Variants in SLC22A23 observed in about 807,000 individuals in gnomAD.
SLC22A23 encodes solute carrier family 22 member 23.
A neutral mutation model predicts 61.0 loss-of-function variants in SLC22A23; 26 were observed. That is an observed-to-expected ratio of 0.43 (90% CI 0.31 to 0.59). SLC22A23 has a LOEUF of 0.59. Among genes scored for constraint, SLC22A23 ranks in the 20% least tolerant of loss-of-function variants. The pLI is 0.11. For synonymous variants in SLC22A23, 430 were observed against 413.9 expected, an observed-to-expected ratio of 1.04 and a Z score of -0.47; for missense variants, 796 against 934.7, an observed-to-expected ratio of 0.85 and a Z score of 1.94.
chr6:3,387,340 G>T lies in SLC22A23; in HGVS notation c.913+22848C>A, dbSNP rs181823652. 1.4e-3 allele frequency among the ~76,000 whole-genome samples: 215 copies of T among 152,302 alleles called. No homozygotes were observed. The highest frequency in any genetic ancestry group is 2.5e-3 in the Non-Finnish European group (172 of 68,026). ...GCTCTTCCCCCTAGTCTGATCAAGAGAAAGTATCAGACAGACCCACATCGA... is the reference window on the plus strand; with the variant it reads ...GCTCTTCCCCCTAGTCTGATCAAGATAAAGTATCAGACAGACCCACATCGA... On this transcript the variant is annotated intron_variant, in intron 3 of 9. Coordinates refer to ENST00000406686, the MANE Select transcript of SLC22A23 (RefSeq NM_015482.2). This position sits in a 1 kb window ranked among gnomAD's most constrained non-coding sequence, Gnocchi z 5.0.
intron 9 of SLC22A23, among the ~76,000 whole-genome samples, chr6:3,280,785 C>A (rs1290496723): frequency 6.6e-6 from 1 of 152,148 alleles, no homozygotes; most frequent in Non-Finnish European, 1.5e-5. Context: ...CGTGAGCCAC[C>A]GTGCCCGGCC....
rs183054555 is a variant in SLC22A23 at position 3,309,046 on chromosome 6, G to T, written c.1083-10828C>A. Among the ~76,000 whole-genome samples the T allele has an allele frequency of 2.4e-3, 361 of 151,484 alleles. 1 individual carries two copies. The highest frequency in any genetic ancestry group is 8.4e-3 in the African/African-American group (346 of 41,270). ...CAATTAATCTTAAAAAGAGCCGAGG[G>T]CTGGGCGCTTTGGGAGGCTGAGGTG... On this transcript the variant is annotated intron_variant, in intron 4 of 9. Coordinates refer to ENST00000406686, the MANE Select transcript of SLC22A23 (RefSeq NM_015482.2). The surrounding 1 kb of genome is among the most constrained non-coding windows in gnomAD (Gnocchi z 4.7).
At chr6:3,417,314 T>A (rs918404958) in intron 1 of SLC22A23, among the ~76,000 whole-genome samples, 3 of 150,942 alleles carry the variant, frequency 2.0e-5, no homozygotes, top group South Asian at 4.1e-4. Flanking sequence ...TTCTACCCCA[T>A]CTGCTTCCAG....
Position 3,427,049 on chromosome 6 carries a change from C to T in SLC22A23, c.655-11194G>A, listed in dbSNP as rs2127535955. ...CTTGCGAATGTGCTGTCAAGCACAGCTGGGATGCAGGCTAAGAGCTCGGAG... is the reference window on the plus strand; with the variant it reads ...CTTGCGAATGTGCTGTCAAGCACAGTTGGGATGCAGGCTAAGAGCTCGGAG... On this transcript the variant is annotated intron_variant, in intron 1 of 9. Transcript: ENST00000406686. This position sits in a 1 kb window ranked among gnomAD's most constrained non-coding sequence, Gnocchi z 4.3. 6.6e-6 allele frequency among the ~76,000 whole-genome samples: 1 copy of T among 152,362 alleles called. No homozygotes were observed. Among genetic ancestry groups the T allele is most frequent in the Admixed American group, 6.5e-5 (1 of 15,306 alleles).
Position 3,322,746 on chromosome 6 carries a change from T to G in SLC22A23, c.1082+1088A>C, listed in dbSNP as rs1479368311. Reference sequence around the variant, plus strand: ...CAGTACCACTAAGCCAAAAGGTAGGTGCTTTCTTCCCTCCCGGGCACCTGA... The same window carrying G: ...CAGTACCACTAAGCCAAAAGGTAGGGGCTTTCTTCCCTCCCGGGCACCTGA... On this transcript the variant is annotated intron_variant, in intron 4 of 9. Coordinates refer to ENST00000406686, the MANE Select transcript of SLC22A23 (RefSeq NM_015482.2). The surrounding 1 kb of genome is among the most constrained non-coding windows in gnomAD (Gnocchi z 4.1). Among the ~76,000 whole-genome samples the G allele has an allele frequency of 6.6e-6, 1 of 152,148 alleles. No individual in the cohort carries two copies. Among genetic ancestry groups the G allele is most frequent in the Non-Finnish European group, 1.5e-5 (1 of 68,004 alleles).
In SLC22A23 at chr6:3,273,025, AC is replaced by A. The variant is rs1268608025; in HGVS notation, c.*29del. The A allele has an allele frequency of 2.7e-6, 4 of 1,508,384 alleles. No homozygotes were observed. The highest frequency in any genetic ancestry group is 3.5e-6 in the Non-Finnish European group (4 of 1,131,914). The allele number at this position is 1,508,384 out of a possible 1,614,324, so 93.4% of individuals were successfully genotyped here. A position where few individuals can be genotyped will look rare whatever the true frequency, so the allele number is the denominator to read the frequency against. On this transcript the variant is annotated 3_prime_UTR_variant, in exon 10 of 10. Coordinates refer to ENST00000406686, the MANE Select transcript of SLC22A23 (RefSeq NM_015482.2). ...TAAACCTGTGCCCAAGCTGCCCCAGACCCTGGAGCCCCGGGTTCCGCAGGCC... is the reference window on the plus strand; with the variant it reads ...TAAACCTGTGCCCAAGCTGCCCCAGACCTGGAGCCCCGGGTTCCGCAGGCC...
Position 3,385,232 on chromosome 6 carries a change from G to T in SLC22A23, c.913+24956C>A, listed in dbSNP as rs535760839. On this transcript the variant is annotated intron_variant, in intron 3 of 9. Transcript: ENST00000406686. The stretch of plus-strand genomic sequence containing the variant: ...CCATACACTTAAATGGTTAAGATGG[G>T]CTGGGCACGGTGGCTCATGCCTGTA... Among the ~76,000 whole-genome samples the T allele has an allele frequency of 7.9e-4, 121 of 152,286 alleles. 1 individual carries two copies. The highest frequency in any genetic ancestry group is 2.9e-3 in the African/African-American group (120 of 41,566).
In SLC22A23 at chr6:3,273,380, G is replaced by A. The variant is rs1352167479; in HGVS notation, c.1736C>T (p.Ala579Val). The A allele has an allele frequency of 4.3e-6, 7 of 1,612,538 alleles. No homozygotes were observed. Among genetic ancestry groups the A allele is most frequent in the South Asian group, 1.1e-5 (1 of 91,072 alleles). Reference sequence around the variant, plus strand: ...GGGTGCCGTCAGCATGCCGAAGCCCGCGCTGGCCAGCACCAGCCCCAGCCC... The same window carrying A: ...GGGTGCCGTCAGCATGCCGAAGCCCACGCTGGCCAGCACCAGCCCCAGCCC... ...CGGLGLVLAS[A>V]GFGMLTAPII... The change falls in exon 10 of 10, where the codon GCG (alanine) becomes GTG (valine). Residue 579 changes from alanine to valine, a missense_variant. Coordinates refer to ENST00000406686, the MANE Select transcript of SLC22A23 (RefSeq NM_015482.2).
rs868134848 is a variant in SLC22A23, at chr6:3,298,974, G to A, written c.1083-756C>T. On this transcript the variant is annotated intron_variant, in intron 4 of 9. Transcript: ENST00000406686. ...GGCCTGGGCGACAGAGCGAGACTCCGTCTCAAAAAAAAAAAAAAAAAATGT... is the reference window on the plus strand; with the variant it reads ...GGCCTGGGCGACAGAGCGAGACTCCATCTCAAAAAAAAAAAAAAAAAATGT... Among the ~76,000 whole-genome samples, 137 of 68,990 alleles carry A rather than the reference G, an allele frequency of 2.0e-3. No individual in the cohort carries two copies. The Middle Eastern group carries it at 0.037, about 19-fold the overall frequency. The allele number at this position is 68,990 out of a possible 152,430, so 45.3% of individuals were successfully genotyped here. A position where few individuals can be genotyped will look rare whatever the true frequency, so the allele number is the denominator to read the frequency against.
chr6:3,367,663 G>C (rs757168995), intron 3 of SLC22A23, among the ~76,000 whole-genome samples: 6 of 152,206 alleles, frequency 3.9e-5, no homozygotes, highest in Non-Finnish European at 8.8e-5. Flanking sequence ...AAGTCACACA[G>C]CTCATAGTGG....
intron 4 of SLC22A23, among the ~76,000 whole-genome samples, chr6:3,306,181 AGCCCTTGAATG>A (rs1168052780): frequency 6.6e-6 from 1 of 152,160 alleles, no homozygotes; most frequent in African/African-American, 2.4e-5. Flanking sequence ...TCAAACAACC[AGCCCTTGAATG>A]GCCTAATAGA....
chr6:3,340,124 T>G (rs758991339), intron 3 of SLC22A23, among the ~76,000 whole-genome samples: 1 of 152,144 alleles, frequency 6.6e-6, no homozygotes, highest in Non-Finnish European at 1.5e-5. Context: ...AGCGGTATTA[T>G]CCAGGAGGGA....
chr6:3,325,280 T>C (rs1763214089), intron 3 of SLC22A23, among the ~76,000 whole-genome samples: 1 of 151,998 alleles, frequency 6.6e-6, no homozygotes, highest in Non-Finnish European at 1.5e-5. Flanking sequence ...CAGAAGGCAA[T>C]AAGGGAAGCA....
At chr6:3,282,310 C>T (rs749319268) in intron 9 of SLC22A23, 23 of 702,482 alleles carry the variant, frequency 3.3e-5, no homozygotes, top group Non-Finnish European at 5.2e-5. Flanking sequence ...ACTCATCTCT[C>T]CCCTGTGGCT....
intron 1 of SLC22A23, among the ~76,000 whole-genome samples, chr6:3,416,608 T>C (rs536392847): frequency 6.6e-6 from 1 of 152,358 alleles, no homozygotes; most frequent in African/African-American, 2.4e-5. Context: ...CCCTGTTTGT[T>C]CCCTCTAAGG....
chr6:3,368,307 G>A lies in SLC22A23; in HGVS notation c.913+41881C>T, dbSNP rs113449603. Among the ~76,000 whole-genome samples, 465 of 152,288 alleles carry A rather than the reference G, an allele frequency of 3.1e-3. 2 individuals are homozygous for A. Among genetic ancestry groups the A allele is most frequent in the African/African-American group, 0.011 (438 of 41,554 alleles). ...GGCCCTTGCACCCCATGCTCAACCC[G>A]AGCTGCTCCTTGGCCATGTAATTTT... On this transcript the variant is annotated intron_variant, in intron 3 of 9. Transcript: ENST00000406686.
chr6:3,313,845 C>T (rs1762491008), intron 4 of SLC22A23, among the ~76,000 whole-genome samples: 1 of 152,168 alleles, frequency 6.6e-6, no homozygotes, highest in African/African-American at 2.4e-5. Context: ...CATGGAGAAA[C>T]CCTGTCTCTG....
chr6:3,414,902 T>C lies in SLC22A23; in HGVS notation c.758+850A>G, dbSNP rs1444440597. On this transcript the variant is annotated intron_variant, in intron 2 of 9. Transcript: ENST00000406686. The surrounding 1 kb of genome is among the most constrained non-coding windows in gnomAD (Gnocchi z 5.1). Reference sequence around the variant, plus strand: ...CCCTGTGACCACAGAATGCCTTAAATAAAAGCGCTGCAGCATCCTGGTGGA... The same window carrying C: ...CCCTGTGACCACAGAATGCCTTAAACAAAAGCGCTGCAGCATCCTGGTGGA... Among the ~76,000 whole-genome samples, 4 of 152,066 alleles carry C rather than the reference T, an allele frequency of 2.6e-5. No individual in the cohort carries two copies. Among genetic ancestry groups the C allele is most frequent in the Non-Finnish European group, 5.9e-5 (4 of 68,018 alleles).
At chr6:3,319,861 G>A (rs573561906) in intron 4 of SLC22A23, among the ~76,000 whole-genome samples, 2 of 152,314 alleles carry the variant, frequency 1.3e-5, no homozygotes, top group East Asian at 3.9e-4. Flanking sequence ...TCAGGGAGCA[G>A]GTGGAATTTG....
Sources: gnomAD v4.1 joint callset for allele counts (sites outside exome capture counted in the v4.1 genomes callset) on GRCh38, gnomAD v4.1.1 for gene constraint, Gnocchi (gnomAD v3.1) non-coding constraint, MANE v1.5 for transcripts, NCBI Gene and HGNC (gene_info 2026-07-23, HGNC 2026-07-21) for gene names.